SKAP2: variants seen among roughly 807,000 people sequenced by gnomAD.
SKAP2 encodes the protein src kinase associated phosphoprotein 2.
Under a neutral mutation model 54.9 loss-of-function variants are expected in SKAP2, and 28 were observed. The ratio of observed to expected loss-of-function variants is 0.51; its 90% CI spans 0.38 to 0.70. The LOEUF is 0.70. Among genes scored for constraint, SKAP2 ranks in the 30% least tolerant of loss-of-function variants. The pLI, the probability that SKAP2 is intolerant of heterozygous loss-of-function variation, is 0.00. For missense variants in SKAP2, 356 were observed against 424.1 expected (o/e 0.84, Z 1.41); for synonymous variants, 137 against 134.3 (o/e 1.02, Z -0.14).
intron 4 of SKAP2, among the ~76,000 whole-genome samples, chr7:26,754,996 T>C (rs1001805006): frequency 6.6e-6 from 1 of 152,232 alleles, no homozygotes; most frequent in African/African-American, 2.4e-5. Flanking sequence ...AATTTAGATA[T>C]GGTAAGATCT....
chr7:26,742,076 T>C (rs116300274), intron 4 of SKAP2, among the ~76,000 whole-genome samples: 32 of 152,258 alleles, frequency 2.1e-4, no homozygotes, highest in African/African-American at 7.0e-4. Context: ...TTTTTCAAAA[T>C]AAACTTGGTA....
intron 4 of SKAP2, among the ~76,000 whole-genome samples, chr7:26,792,261 A>C (rs1043177253): frequency 5.3e-5 from 8 of 152,210 alleles, no homozygotes; most frequent in Non-Finnish European, 8.8e-5. Flanking sequence ...ATATCTTATC[A>C]TGACTGTGCA....
At chr7:26,740,278 A>G (rs1032116590) in intron 4 of SKAP2, among the ~76,000 whole-genome samples, 1 of 152,190 alleles carries the variant, frequency 6.6e-6, no homozygotes, top group African/African-American at 2.4e-5. Context: ...AAGAATTTCA[A>G]ATAAATCATA....
intron 8 of SKAP2, 86 bp from the exon 9 acceptor site, chr7:26,725,651 C>T (rs113073506): frequency 2.4e-6 from 3 of 1,231,688 alleles, no homozygotes; most frequent in Non-Finnish European, 3.3e-6. Context: ...TGCAGCCCTA[C>T]AAAGCAACAA....
At chr7:26,679,834 A>C (rs1786447435) in intron 11 of SKAP2, among the ~76,000 whole-genome samples, 1 of 152,248 alleles carries the variant, frequency 6.6e-6, no homozygotes, top group Non-Finnish European at 1.5e-5. Context: ...ATGGTCAATG[A>C]CAGTCACAAT....
At chr7:26,783,058 C>T (rs1397643942) in intron 4 of SKAP2, among the ~76,000 whole-genome samples, 1 of 152,186 alleles carries the variant, frequency 6.6e-6, no homozygotes. Flanking sequence ...CTCCTGAGCT[C>T]CAGACCAGTA....
chr7:26,684,888 T>C, intron 10 of SKAP2, 40 bp from the exon 11 acceptor site: 2 of 1,115,872 alleles, frequency 1.8e-6, no homozygotes, highest in South Asian at 2.5e-5. Context: ...AGGGCCTTCA[T>C]GTAATAACCC....
intron 3 of SKAP2, among the ~76,000 whole-genome samples, chr7:26,849,295 CTATT>C (rs1206045925): frequency 2.6e-5 from 4 of 152,098 alleles, no homozygotes; most frequent in Non-Finnish European, 4.4e-5. Flanking sequence ...AAGGCAAAAT[CTATT>C]TTTTTTTACA....
At chr7:26,778,568 A>AAGAGTACAGCACATTGGTCAAAGTC (rs1783361826) in intron 4 of SKAP2, among the ~76,000 whole-genome samples, 1 of 152,026 alleles carries the variant, frequency 6.6e-6, no homozygotes, top group Non-Finnish European at 1.5e-5. Context: ...TATGTCTGTG[A>AAGAGTACAGCACATTGGTCAAAGTC]AGAGTACAGC....
intron 4 of SKAP2, among the ~76,000 whole-genome samples, chr7:26,815,912 C>T (rs531681720): frequency 2.9e-4 from 44 of 152,140 alleles, no homozygotes; most frequent in African/African-American, 1.0e-3. Context: ...AATCCACATA[C>T]AATAAACACT....
chr7:26,659,906 G>A, the SKAP2 span, among the ~76,000 whole-genome samples: 35 of 152,140 alleles, frequency 2.3e-4, no homozygotes, highest in African/African-American at 8.2e-4. Flanking sequence ...AATACCTAAT[G>A]TGTAAATGGT....
intron 11 of SKAP2, among the ~76,000 whole-genome samples, chr7:26,681,430 T>A (rs1442442147): frequency 6.6e-6 from 1 of 152,128 alleles, no homozygotes; most frequent in Admixed American, 6.5e-5. Context: ...GGCAACAGAG[T>A]GAGACTCCAT....
chr7:26,663,253 G>A (rs999687347), downstream of SKAP2, among the ~76,000 whole-genome samples: 2 of 152,106 alleles, frequency 1.3e-5, no homozygotes, highest in Non-Finnish European at 2.9e-5. Context: ...TTTAGACTAT[G>A]AGAGGGCTCA....
intron 9 of SKAP2, among the ~76,000 whole-genome samples, chr7:26,693,001 G>A (rs1001511692): frequency 2.0e-5 from 3 of 152,042 alleles, no homozygotes; most frequent in African/African-American, 4.8e-5. Flanking sequence ...AGCTATAACC[G>A]CATCAATACA....
At chr7:26,837,331 T>C (rs1784735347) in intron 4 of SKAP2, among the ~76,000 whole-genome samples, 1 of 152,044 alleles carries the variant, frequency 6.6e-6, no homozygotes, top group South Asian at 2.1e-4. Context: ...ACTTAAAGTA[T>C]AATAATAAGA....
chr7:26,815,665 C>T (rs3801828), intron 4 of SKAP2, among the ~76,000 whole-genome samples: 13 of 151,714 alleles, frequency 8.6e-5, no homozygotes, highest in African/African-American at 2.7e-4. Context: ...AAGTGGAAGA[C>T]GAGTGGGAGG....
intron 4 of SKAP2, among the ~76,000 whole-genome samples, chr7:26,838,352 A>T (rs1005112124): frequency 6.6e-6 from 1 of 152,092 alleles, no homozygotes; most frequent in Non-Finnish European, 1.5e-5. Context: ...CCCCATGCAG[A>T]TCACCTCACC....
At chr7:26,839,731 TG>T (rs1784783097) in intron 4 of SKAP2, among the ~76,000 whole-genome samples, 1 of 152,090 alleles carries the variant, frequency 6.6e-6, no homozygotes, top group South Asian at 2.1e-4. Context: ...ATCTATTTCG[TG>T]GCTTTTGTAA....
chr7:26,688,407 G>A (rs1786697345), intron 10 of SKAP2, among the ~76,000 whole-genome samples: 1 of 152,088 alleles, frequency 6.6e-6, no homozygotes, highest in African/African-American at 2.4e-5. Flanking sequence ...CTGTGGTGGG[G>A]GGTTTAGTAA....
Sources: allele counts gnomAD v4.1 joint callset (sites outside exome capture counted in the v4.1 genomes callset), GRCh38; gene constraint gnomAD v4.1.1; transcripts MANE v1.5; gene names NCBI Gene and HGNC (gene_info 2026-07-23, HGNC 2026-07-21).